MEIG1: variants seen among roughly 807,000 people sequenced by gnomAD.
MEIG1 encodes meiosis/spermiogenesis associated 1.
In MEIG1, 12 loss-of-function variants were observed where a neutral mutation model predicts 11.3. That is an observed-to-expected ratio of 1.07 (90% CI 0.68 to 1.73). The LOEUF is 1.73. Among genes scored for constraint, MEIG1 ranks in the 40% most tolerant of loss-of-function variants. MEIG1 has a pLI of 0.00. For synonymous variants in MEIG1, 41 were observed against 33.2 expected, an observed-to-expected ratio of 1.24 and a Z score of -0.81; for missense variants, 119 against 104.9, an observed-to-expected ratio of 1.13 and a Z score of -0.59.
At chr10:14,983,311 G>C (rs898423425) in intron 1 of MEIG1, among the ~76,000 whole-genome samples, 1 of 152,094 alleles carries the variant, frequency 6.6e-6, no homozygotes, top group African/African-American at 2.4e-5. Flanking sequence ...CGCAGGAAGT[G>C]CACAACCCTT....
At position 14,961,620 on chromosome 10, in the gene MEIG1, C is replaced by T. The variant is rs549371303; in HGVS notation, c.-30+2063C>T. ...CGAAGTAGCTGGGACTACAGGCAGC[C>T]GCCACCGCATCCGGCTAATTTTTTT... On this transcript the variant is annotated intron_variant, in intron 1 of 2. Coordinates refer to ENST00000407572, the MANE Select transcript of MEIG1 (RefSeq NM_001080836.3). Among the ~76,000 whole-genome samples the T allele has an allele frequency of 6.9e-4, 96 of 139,908 alleles. 1 individual carries two copies. Among genetic ancestry groups the T allele is most frequent in the Non-Finnish European group, 1.2e-3 (78 of 64,522 alleles). The allele number at this position is 139,908 out of a possible 152,430, so 91.8% of individuals were successfully genotyped here. A position where few individuals can be genotyped will look rare whatever the true frequency, so the allele number is the denominator to read the frequency against.
rs567128912 is a variant in MEIG1 at position 14,961,966 on chromosome 10, C to G, written c.-30+2409C>G. Among the ~76,000 whole-genome samples the G allele has an allele frequency of 4.6e-5, 7 of 151,976 alleles. No homozygotes were observed. In the East Asian group the frequency reaches 1.4e-3, roughly 29 times the overall value. ...GAGACTACAGTCATGGGCCACCACACCCAGCTAATTTTATTTTTTGTAGAG... is the reference window on the plus strand; with the variant it reads ...GAGACTACAGTCATGGGCCACCACAGCCAGCTAATTTTATTTTTTGTAGAG... On this transcript the variant is annotated intron_variant, in intron 1 of 2. Transcript: ENST00000407572.
At chr10:14,955,232 C>G (rs1006173223), upstream of MEIG1, among the ~76,000 whole-genome samples, 4 of 152,210 alleles carry the variant, frequency 2.6e-5, no homozygotes, top group African/African-American at 9.6e-5. Context: ...TTCCAGGCCT[C>G]CATAACACTT....
chr10:14,966,063 A>ATTTTTTTT (rs1554805988), intron 1 of MEIG1, among the ~76,000 whole-genome samples: 5 of 58,094 alleles, frequency 8.6e-5, no homozygotes, highest in African/African-American at 2.9e-4. Context: ...AGTTTTATTT[A>ATTTTTTTT]TTCTTTTTTT....
upstream of MEIG1, among the ~76,000 whole-genome samples, chr10:14,956,333 CTT>C (rs1842951145): frequency 6.6e-6 from 1 of 152,082 alleles, no homozygotes; most frequent in African/African-American, 2.4e-5. Flanking sequence ...AATCCCAACA[CTT>C]TGGGAGGCCG....
intron 1 of MEIG1, among the ~76,000 whole-genome samples, chr10:14,978,387 A>G (rs989639598): frequency 6.6e-6 from 1 of 151,988 alleles, no homozygotes. Flanking sequence ...TGATATTATT[A>G]GTAACATCCT....
At chr10:14,971,646 T>C (rs760438419) in intron 2 of MEIG1, among the ~76,000 whole-genome samples, 6 of 152,204 alleles carry the variant, frequency 3.9e-5, no homozygotes, top group Non-Finnish European at 7.3e-5. Flanking sequence ...CACTGTGTAT[T>C]CATCAACAAT....
intron 1 of MEIG1, among the ~76,000 whole-genome samples, chr10:14,962,796 G>T (rs1286223786): frequency 6.7e-6 from 1 of 149,016 alleles, no homozygotes; most frequent in Non-Finnish European, 1.5e-5. Context: ...AGACAGTCTC[G>T]CTCTGTCACC....
intron 2 of MEIG1, among the ~76,000 whole-genome samples, chr10:14,970,093 G>A (rs1351666832): frequency 5.3e-5 from 8 of 152,186 alleles, no homozygotes; most frequent in African/African-American, 1.9e-4. Context: ...GATGGTGACT[G>A]AAGGCTTGCT....
At chr10:14,975,633 C>T (rs185614556), downstream of MEIG1, among the ~76,000 whole-genome samples, 1 of 151,908 alleles carries the variant, frequency 6.6e-6, no homozygotes, top group Non-Finnish European at 1.5e-5. Context: ...TTCTTAATAA[C>T]GCAGGGTGTG....
chr10:14,984,536 G>C (rs1426879323), intron 1 of MEIG1, among the ~76,000 whole-genome samples: 1 of 151,952 alleles, frequency 6.6e-6, no homozygotes, highest in African/African-American at 2.4e-5. Flanking sequence ...CTTCTCCTAA[G>C]GGGAGGTTAC....
chr10:14,974,175 T>A (rs111941600), downstream of MEIG1, among the ~76,000 whole-genome samples: 5 of 152,258 alleles, frequency 3.3e-5, no homozygotes, highest in East Asian at 1.9e-4. Context: ...TGTGGGTCCA[T>A]CTGGGGGTTG....
At chr10:14,973,406 G>T (rs890609735), downstream of MEIG1, among the ~76,000 whole-genome samples, 3 of 152,072 alleles carry the variant, frequency 2.0e-5, no homozygotes, top group Admixed American at 6.6e-5. Flanking sequence ...GGGCAAACTG[G>T]AAGTGTCAAG....
At chr10:14,973,267 A>G (rs544998351), downstream of MEIG1, among the ~76,000 whole-genome samples, 2 of 152,292 alleles carry the variant, frequency 1.3e-5, no homozygotes, top group South Asian at 4.1e-4. Context: ...TATAGCAGAT[A>G]GTCTTAGTGC....
intron 1 of MEIG1, among the ~76,000 whole-genome samples, chr10:14,980,915 T>C (rs768539188): frequency 5.9e-5 from 9 of 152,078 alleles, no homozygotes; most frequent in Non-Finnish European, 1.2e-4. Flanking sequence ...ACCCCAACAA[T>C]GTGGACGGGT....
At position 14,967,862 on chromosome 10, in the gene MEIG1, C is replaced by T. The variant is rs899206916; in HGVS notation, c.138+1256C>T. The stretch of plus-strand genomic sequence containing the variant: ...CTTAATTATTTTTGATATTTATAGT[C>T]TGTGTGGTTTGCAACTTTTTTCAAA... On this transcript the variant is annotated intron_variant, in intron 2 of 2. Coordinates refer to ENST00000407572, the MANE Select transcript of MEIG1 (RefSeq NM_001080836.3). Among the ~76,000 whole-genome samples, 28 of 152,124 alleles carry T rather than the reference C, an allele frequency of 1.8e-4. No homozygotes were observed. The East Asian group carries it at 4.3e-3, about 23-fold the overall frequency.
upstream of MEIG1, among the ~76,000 whole-genome samples, chr10:14,957,899 G>C (rs1243091727): frequency 6.6e-6 from 1 of 152,156 alleles, no homozygotes; most frequent in Non-Finnish European, 1.5e-5. Context: ...GCCCACCTCA[G>C]CCTCCCAAAG....
chr10:14,961,283 G>A (rs1362341580), intron 1 of MEIG1, among the ~76,000 whole-genome samples: 1 of 152,170 alleles, frequency 6.6e-6, no homozygotes, highest in Non-Finnish European at 1.5e-5. Context: ...GGTTGCGTGG[G>A]TACTCGAATT....
chr10:14,983,074 G>T (rs973503988), intron 1 of MEIG1, among the ~76,000 whole-genome samples: 1 of 152,064 alleles, frequency 6.6e-6, no homozygotes, highest in African/African-American at 2.4e-5. Context: ...ATACCCCAGT[G>T]GGTGTACACC....
Sources: gnomAD v4.1 joint callset for allele counts (sites outside exome capture counted in the v4.1 genomes callset) on GRCh38, gnomAD v4.1.1 for gene constraint, MANE v1.5 for transcripts, NCBI Gene and HGNC (gene_info 2026-07-23, HGNC 2026-07-21) for gene names.